Variants in NDST3 observed in about 807,000 individuals in gnomAD.
The protein encoded by NDST3 is N-deacetylase and N-sulfotransferase 3.
Under a neutral mutation model 96.1 loss-of-function variants are expected in NDST3, and 58 were observed. That is an observed-to-expected ratio of 0.60 (90% CI 0.49 to 0.75). The LOEUF is 0.75. NDST3 is among the 30% of genes least tolerant of loss of function. NDST3 has a pLI of 0.00. For missense variants in NDST3, 788 were observed against 1,034.2 expected, an observed-to-expected ratio of 0.76 and a Z score of 3.27; for synonymous variants, 333 against 359.7, an observed-to-expected ratio of 0.93 and a Z score of 0.84.
At chr4:118,251,191 A>G (rs1489684639) in intron 12 of NDST3, among the ~76,000 whole-genome samples, 1 of 146,848 alleles carries the variant, frequency 6.8e-6, no homozygotes, top group African/African-American at 2.5e-5. Flanking sequence ...CAGTGGCACA[A>G]TCTCGGCTCA....
rs1265294437 is a variant in NDST3 at position 118,054,683 on chromosome 4, T to A, written c.773T>A (p.Ile258Lys). The A allele has an allele frequency of 6.2e-7, 1 of 1,613,382 alleles. No homozygotes were observed. Among genetic ancestry groups the A allele is most frequent in the Admixed American group, 1.7e-5 (1 of 59,898 alleles). Reference protein sequence around the residue: ...ISKGAFYATIIHDLGLHDGIQ... With the variant: ...ISKGAFYATIKHDLGLHDGIQ... ...AAAGGTGCTTTTTATGCCACTATTATACATGACCTGGGGCTTCATGATGGA... is the reference window on the plus strand; with the variant it reads ...AAAGGTGCTTTTTATGCCACTATTAAACATGACCTGGGGCTTCATGATGGA... Residue 258 changes from isoleucine to lysine, a missense_variant, in exon 2 of 14, where the codon ATA (isoleucine) becomes AAA (lysine). Coordinates refer to ENST00000296499, the MANE Select transcript of NDST3 (RefSeq NM_004784.3).
intron 6 of NDST3, among the ~76,000 whole-genome samples, chr4:118,181,212 G>A (rs1192322717): frequency 6.6e-6 from 1 of 152,034 alleles, no homozygotes; most frequent in Non-Finnish European, 1.5e-5. Context: ...GTCTCTTCAG[G>A]TAGCCACGAG....
intron 11 of NDST3, among the ~76,000 whole-genome samples, chr4:118,240,897 C>G (rs1390753082): frequency 2.6e-5 from 4 of 152,158 alleles, no homozygotes; most frequent in Non-Finnish European, 4.4e-5. Flanking sequence ...TCTCCCTGCT[C>G]TATTTGCTGT....
chr4:118,255,498 A>C (rs1742059740), intron 13 of NDST3, 95 bp from the exon 14 acceptor site: 1 of 1,266,486 alleles, frequency 7.9e-7, no homozygotes, highest in African/African-American at 1.5e-5. Flanking sequence ...TTTAATCCAG[A>C]TCTGGTATAC....
At chr4:118,189,535 T>C (rs1737169614) in intron 6 of NDST3, among the ~76,000 whole-genome samples, 1 of 152,294 alleles carries the variant, frequency 6.6e-6, no homozygotes, top group Non-Finnish European at 1.5e-5. Flanking sequence ...GTCAAATATG[T>C]CAAAGGTTTA....
At chr4:118,034,949 T>G (rs1274270791) in intron 1 of NDST3, among the ~76,000 whole-genome samples, 1 of 151,852 alleles carries the variant, frequency 6.6e-6, no homozygotes, top group African/African-American at 2.4e-5. Flanking sequence ...TCAGAGACTT[T>G]AAACTACCTG....
At chr4:118,098,309 G>GA (rs1426397132) in intron 2 of NDST3, among the ~76,000 whole-genome samples, 1 of 151,840 alleles carries the variant, frequency 6.6e-6, no homozygotes, top group African/African-American at 2.4e-5. Context: ...ACAATTGAAT[G>GA]AATGAGATTT....
At position 118,255,661 on chromosome 4, in the gene NDST3, G is replaced by A; in HGVS notation, c.2571G>A (p.Leu857=). Residue 857 remains leucine (L), a synonymous_variant, in exon 14 of 14, where the codon CTG becomes CTA. Coordinates refer to ENST00000296499, the MANE Select transcript of NDST3 (RefSeq NM_004784.3). The part of the protein sequence containing the change: ...NVELSKLLHK[L]GQPLPSWLRQ... The stretch of plus-strand genomic sequence containing the variant: ...AACTCTCAAAGCTGCTGCACAAACT[G>A]GGTCAGCCTCTGCCATCCTGGCTGA... 2 of 1,613,714 alleles carry A rather than the reference G, an allele frequency of 1.2e-6. No individual in the cohort carries two copies. Among genetic ancestry groups the A allele is most frequent in the Non-Finnish European group, 1.7e-6 (2 of 1,179,756 alleles).
chr4:118,062,169 T>A (rs569113283), intron 2 of NDST3, among the ~76,000 whole-genome samples: 2 of 152,316 alleles, frequency 1.3e-5, no homozygotes, highest in South Asian at 4.1e-4. Flanking sequence ...CCAAACTTTA[T>A]TTTAAAGACT....
intron 2 of NDST3, among the ~76,000 whole-genome samples, chr4:118,096,688 T>TAGAC (rs1377557241): frequency 1.3e-5 from 2 of 151,234 alleles, no homozygotes; most frequent in Non-Finnish European, 3.0e-5. Flanking sequence ...GATAGATAGA[T>TAGAC]AGATAGATAG....
intron 1 of NDST3, among the ~76,000 whole-genome samples, chr4:118,035,662 C>T (rs997840027): frequency 2.1e-4 from 32 of 151,840 alleles, no homozygotes; most frequent in African/African-American, 7.7e-4. Context: ...TAAAATAGTA[C>T]TGAACATATA....
chr4:118,066,187 TCTTA>T (rs1560617760), intron 2 of NDST3, among the ~76,000 whole-genome samples: 110 of 7,000 alleles, frequency 0.016, 3 homozygotes, highest in South Asian at 0.091. Flanking sequence ...ATATTATATA[TCTTA>T]TATATTATAT....
chr4:118,126,199 T>C (rs1202500427), intron 4 of NDST3, among the ~76,000 whole-genome samples: 1 of 152,042 alleles, frequency 6.6e-6, no homozygotes, highest in Non-Finnish European at 1.5e-5. Context: ...TGCTATCAAA[T>C]AGTACATATT....
intron 4 of NDST3, among the ~76,000 whole-genome samples, chr4:118,120,103 A>C (rs1056917530): frequency 6.6e-6 from 1 of 152,146 alleles, no homozygotes; most frequent in African/African-American, 2.4e-5. Flanking sequence ...TAGGTAGTAA[A>C]TGTTTGCTAA....
chr4:118,044,921 C>A (rs1470695782), intron 1 of NDST3, among the ~76,000 whole-genome samples: 3 of 152,020 alleles, frequency 2.0e-5, no homozygotes, highest in Non-Finnish European at 2.9e-5. Flanking sequence ...TGAGGGCAGA[C>A]CCCTCATGAC....
chr4:118,247,077 A>C (rs1741362421), intron 12 of NDST3, among the ~76,000 whole-genome samples: 1 of 152,200 alleles, frequency 6.6e-6, no homozygotes, highest in South Asian at 2.1e-4. Context: ...CCCAGAATAA[A>C]TGAAAACCTA....
rs552667390 is a variant in NDST3, at chr4:118,037,016, A to C, written c.-156+2424A>C. Among the ~76,000 whole-genome samples the C allele has an allele frequency of 2.0e-5, 3 of 152,296 alleles. No homozygotes were observed. The South Asian group carries it at 6.2e-4, about 32-fold the overall frequency. The stretch of plus-strand genomic sequence containing the variant: ...TTTTTTTTCATTAAAATATTTGAAA[A>C]TAACATGAAAGTAGACCTAAATTCT... On this transcript the variant is annotated intron_variant, in intron 1 of 13. Transcript: ENST00000296499.
intron 6 of NDST3, among the ~76,000 whole-genome samples, chr4:118,217,909 A>G (rs1451368792): frequency 2.0e-5 from 3 of 152,154 alleles, no homozygotes; most frequent in African/African-American, 7.2e-5. Context: ...AGAGAATACT[A>G]TAAACACCTC....
chr4:118,112,489 A>G (rs1730718337), intron 3 of NDST3, among the ~76,000 whole-genome samples: 1 of 152,134 alleles, frequency 6.6e-6, no homozygotes, highest in African/African-American at 2.4e-5. Flanking sequence ...ACTCCAAGAG[A>G]CTCTGCCTGC....
Sources: gnomAD v4.1 joint callset for allele counts (sites outside exome capture counted in the v4.1 genomes callset) on GRCh38, gnomAD v4.1.1 for gene constraint, MANE v1.5 for transcripts, NCBI Gene and HGNC (gene_info 2026-07-23, HGNC 2026-07-21) for gene names.